Variants in FAM174A observed in about 807,000 individuals in gnomAD.
The protein encoded by FAM174A is membrane protein FAM174A.
In FAM174A, 14 loss-of-function variants were observed where a neutral mutation model predicts 14.3. The ratio of observed to expected loss-of-function variants is 0.98; its 90% CI spans 0.65 to 1.53. The LOEUF (loss-of-function observed/expected upper bound fraction) is 1.53. Ranked by LOEUF, FAM174A falls within the 40% of genes most tolerant of loss-of-function variation. The pLI is 0.00. For missense variants in FAM174A, 241 were observed against 249.6 expected, an observed-to-expected ratio of 0.97 and a Z score of 0.23; for synonymous variants, 108 against 111.4, an observed-to-expected ratio of 0.97 and a Z score of 0.19.
At chr5:100,543,419 C>A (rs1746102580) in intron 1 of FAM174A, among the ~76,000 whole-genome samples, 1 of 152,216 alleles carries the variant, frequency 6.6e-6, no homozygotes, top group South Asian at 2.1e-4. Flanking sequence ...CACCCGCCAA[C>A]TAGCCACATT....
intron 2 of FAM174A, among the ~76,000 whole-genome samples, chr5:100,578,124 C>T (rs1244236590): frequency 6.6e-6 from 1 of 151,822 alleles, no homozygotes; most frequent in Non-Finnish European, 1.5e-5. Context: ...TTTTTAGTAC[C>T]GTGGAAATTC....
rs1266419634 is a variant in FAM174A at position 100,567,638 on chromosome 5, C to G, written c.569+5450C>G. On this transcript the variant is annotated intron_variant, in intron 2 of 2. Coordinates refer to ENST00000312637, the MANE Select transcript of FAM174A (RefSeq NM_198507.3). The stretch of plus-strand genomic sequence containing the variant: ...GATTTACTAGTTATTAGCATTTTAT[C>G]TTATTCTCTTGATCTTTTTTTCTCT... Among the ~76,000 whole-genome samples, 4 of 151,808 alleles carry G rather than the reference C, an allele frequency of 2.6e-5. No homozygotes were observed. The East Asian group carries it at 7.7e-4, about 29-fold the overall frequency.
chr5:100,548,411 A>G lies in FAM174A; in HGVS notation c.434+12447A>G, dbSNP rs933208538. ...AAGTAGCTGCCAAGTTATTATTATT[A>G]TTATTACTACATAAGGATGAACTAG... On this transcript the variant is annotated intron_variant, in intron 1 of 2. Transcript: ENST00000312637. Among the ~76,000 whole-genome samples, 8 of 152,120 alleles carry G rather than the reference A, an allele frequency of 5.3e-5. 1 individual carries two copies. Among genetic ancestry groups the G allele is most frequent in the African/African-American group, 1.9e-4 (8 of 41,468 alleles).
chr5:100,570,173 A>G (rs1746751109), intron 2 of FAM174A, among the ~76,000 whole-genome samples: 1 of 151,828 alleles, frequency 6.6e-6, no homozygotes, highest in Non-Finnish European at 1.5e-5. Context: ...AGGTGGCCAC[A>G]TTTCTACCAC....
chr5:100,557,385 G>T (rs1746413868), intron 1 of FAM174A, among the ~76,000 whole-genome samples: 2 of 152,110 alleles, frequency 1.3e-5, no homozygotes, highest in Admixed American at 1.3e-4. Context: ...AGGGATATTG[G>T]TCTAAAATTC....
intron 2 of FAM174A, among the ~76,000 whole-genome samples, chr5:100,585,909 G>A (rs1330839151): frequency 6.6e-6 from 1 of 151,888 alleles, no homozygotes; most frequent in Non-Finnish European, 1.5e-5. Flanking sequence ...TATTATATGA[G>A]GATAAACTTT....
chr5:100,575,660 C>T (rs1746888608), intron 2 of FAM174A, among the ~76,000 whole-genome samples: 1 of 152,094 alleles, frequency 6.6e-6, no homozygotes. Flanking sequence ...AAAGCAATGG[C>T]AACAAAAGCC....
chr5:100,544,326 G>A (rs752277711), intron 1 of FAM174A, among the ~76,000 whole-genome samples: 3 of 151,472 alleles, frequency 2.0e-5, no homozygotes, highest in East Asian at 3.9e-4. Context: ...CCTGCATCCC[G>A]GAAACAGTTG....
intron 2 of FAM174A, among the ~76,000 whole-genome samples, chr5:100,585,061 A>G (rs1328276532): frequency 6.6e-6 from 1 of 152,212 alleles, no homozygotes; most frequent in Non-Finnish European, 1.5e-5. Flanking sequence ...TTTACTGGAG[A>G]TACGAATTGC....
chr5:100,550,842 A>G lies in FAM174A; in HGVS notation c.435-11212A>G, dbSNP rs185028056. On this transcript the variant is annotated intron_variant, in intron 1 of 2. Transcript: ENST00000312637. Reference sequence around the variant, plus strand: ...GAGAGAAGACTGTGAGGCCAATGGCAGAGAAAGCATGGCCATCATGAGGAA... The same window carrying G: ...GAGAGAAGACTGTGAGGCCAATGGCGGAGAAAGCATGGCCATCATGAGGAA... Among the ~76,000 whole-genome samples the G allele has an allele frequency of 2.0e-4, 30 of 152,312 alleles. 1 individual carries two copies. The East Asian group carries it at 5.6e-3, about 28-fold the overall frequency.
rs1745930463 is a variant in FAM174A, at chr5:100,535,776, C to T, written c.246C>T (p.Gly82=). The part of the protein sequence containing the change: ...EAAGPRGSEG[G]NGSNPVAGLE... ...CGGGGCCGCGGGGCTCCGAGGGAGG[C>T]AATGGCAGCAACCCTGTGGCCGGGC... is the stretch of plus-strand genomic sequence containing the variant. The change falls in exon 1 of 3, where the codon GGC becomes GGT. Residue 82 remains glycine (G), a synonymous_variant. Coordinates refer to ENST00000312637, the MANE Select transcript of FAM174A (RefSeq NM_198507.3). 2 of 1,606,284 alleles carry T rather than the reference C, an allele frequency of 1.2e-6. No individual in the cohort carries two copies. The highest frequency in any genetic ancestry group is 1.7e-6 in the Non-Finnish European group (2 of 1,178,772).
At chr5:100,565,923 C>T (rs1746634207) in intron 2 of FAM174A, among the ~76,000 whole-genome samples, 1 of 151,196 alleles carries the variant, frequency 6.6e-6, no homozygotes. Context: ...GGCAAGAGAG[C>T]ATGTGTAGGG....
chr5:100,577,521 G>C (rs562908744), intron 2 of FAM174A, among the ~76,000 whole-genome samples: 3 of 152,076 alleles, frequency 2.0e-5, no homozygotes, highest in Non-Finnish European at 4.4e-5. Flanking sequence ...TCAGATTGCA[G>C]ATTCAATATA....
rs1746759678 is a variant in FAM174A, at chr5:100,570,617, C to T, written c.569+8429C>T. Among the ~76,000 whole-genome samples the T allele has an allele frequency of 2.6e-5, 4 of 151,924 alleles. No individual in the cohort carries two copies. In the South Asian group the frequency reaches 6.2e-4, roughly 24 times the overall value. ...AGCTATATAATGCCTACATCTTAAT[C>T]TCTTAGATCCTTTAAATCTGTTCAG... On this transcript the variant is annotated intron_variant, in intron 2 of 2. Coordinates refer to ENST00000312637, the MANE Select transcript of FAM174A (RefSeq NM_198507.3).
At chr5:100,548,076 C>T (rs1020414229) in intron 1 of FAM174A, among the ~76,000 whole-genome samples, 2 of 152,082 alleles carry the variant, frequency 1.3e-5, no homozygotes, top group South Asian at 4.1e-4. Context: ...AAAATCTTTC[C>T]TGGAAACCCC....
intron 2 of FAM174A, among the ~76,000 whole-genome samples, chr5:100,576,447 G>T (rs1746907625): frequency 1.3e-5 from 2 of 152,026 alleles, no homozygotes; most frequent in Non-Finnish European, 2.9e-5. Context: ...GGAAGTTAGG[G>T]CCACACTCTT....
intron 2 of FAM174A, among the ~76,000 whole-genome samples, chr5:100,576,546 C>G (rs1176348740): frequency 6.6e-6 from 1 of 151,916 alleles, no homozygotes; most frequent in Non-Finnish European, 1.5e-5. Flanking sequence ...CATCATTGTC[C>G]AGGATTAGAT....
At chr5:100,573,929 A>G (rs1256942176) in intron 2 of FAM174A, among the ~76,000 whole-genome samples, 1 of 152,142 alleles carries the variant, frequency 6.6e-6, no homozygotes. Flanking sequence ...CCGCATATCT[A>G]CAACTATCTG....
chr5:100,555,663 A>G (rs561758397), intron 1 of FAM174A, among the ~76,000 whole-genome samples: 278 of 152,122 alleles, frequency 1.8e-3, no homozygotes, highest in African/African-American at 6.5e-3. Flanking sequence ...TTTGATTTGC[A>G]TTTCTCTGAT....
Sources: gnomAD v4.1 joint callset for allele counts (sites outside exome capture counted in the v4.1 genomes callset) on GRCh38, gnomAD v4.1.1 for gene constraint, MANE v1.5 for transcripts, NCBI Gene and HGNC (gene_info 2026-07-23, HGNC 2026-07-21) for gene names.